NDFIP2: variants seen among roughly 807,000 people sequenced by gnomAD.
NDFIP2 encodes NEDD4 family-interacting protein 2.
NDFIP2 carries 19 observed loss-of-function variants against 36.0 expected under a neutral mutation model. The ratio of observed to expected loss-of-function variants is 0.53; its 90% confidence interval spans 0.37 to 0.77. The LOEUF is 0.77. NDFIP2 is among the 30% of genes least tolerant of loss of function. The pLI is 0.00. For synonymous variants in NDFIP2, 181 were observed against 167.7 expected (o/e 1.08, Z -0.61); for missense variants, 446 against 435.8 (o/e 1.02, Z -0.21).
chr13:79,533,150 A>G (rs973202648), intron 2 of NDFIP2, among the ~76,000 whole-genome samples, 173 bp from the exon 3 acceptor site: 17 of 152,192 alleles, frequency 1.1e-4, no homozygotes, highest in Admixed American at 1.3e-4. Context: ...AATTTGGACT[A>G]AAGTAAGATA....
chr13:79,551,881 T>G (rs1409217754), intron 7 of NDFIP2, among the ~76,000 whole-genome samples: 3 of 151,332 alleles, frequency 2.0e-5, no homozygotes, highest in Non-Finnish European at 4.5e-5. Context: ...AAGGTAAACT[T>G]ATAAAGCATT....
At chr13:79,514,164 G>A (rs1308134989) in intron 1 of NDFIP2, among the ~76,000 whole-genome samples, 1 of 152,154 alleles carries the variant, frequency 6.6e-6, no homozygotes, top group Non-Finnish European at 1.5e-5. Flanking sequence ...TTAGGTTGGT[G>A]CAAAAGTAAT....
At chr13:79,508,712 T>C (rs1407436028) in intron 1 of NDFIP2, among the ~76,000 whole-genome samples, 1 of 152,240 alleles carries the variant, frequency 6.6e-6, no homozygotes, top group Non-Finnish European at 1.5e-5. Context: ...GCCAACCTTT[T>C]ATCTCATCCT....
At chr13:79,535,556 T>C (rs1028177503) in intron 3 of NDFIP2, among the ~76,000 whole-genome samples, 1 of 152,214 alleles carries the variant, frequency 6.6e-6, no homozygotes, top group Admixed American at 6.5e-5. Context: ...CTTGTGAGCA[T>C]TGTGGAAAAT....
In NDFIP2 at chr13:79,539,689, A is replaced by C; in HGVS notation, c.629A>C (p.Glu210Ala). Residue 210 changes from glutamate (E) to alanine (A), a missense_variant, in exon 4 of 8, where the codon GAG becomes GCG. By Grantham distance (107) the Glu-to-Ala change is moderately radical. Coordinates refer to ENST00000218652, the MANE Select transcript of NDFIP2 (RefSeq NM_019080.3). Reference sequence around the variant, plus strand: ...AATGTTACATATTTACAGATTCAGGAGGAAGAGTGTCCACCAAGAGATGAC... The same window carrying C: ...AATGTTACATATTTACAGATTCAGGCGGAAGAGTGTCCACCAAGAGATGAC... ...AAAETSQRIQ[E>A]EECPPRDDFS... 1 of 1,613,134 alleles carries C rather than the reference A, an allele frequency of 6.2e-7. No individual in the cohort carries two copies. The highest frequency in any genetic ancestry group is 8.5e-7 in the Non-Finnish European group (1 of 1,179,224).
chr13:79,488,375 G>A (rs890563196), intron 1 of NDFIP2, among the ~76,000 whole-genome samples: 3 of 151,994 alleles, frequency 2.0e-5, no homozygotes, highest in Non-Finnish European at 4.4e-5. Flanking sequence ...TTATTTGGTT[G>A]AGTTTAGCTC....
chr13:79,517,491 G>A (rs1389012652), intron 1 of NDFIP2, among the ~76,000 whole-genome samples: 1 of 152,198 alleles, frequency 6.6e-6, no homozygotes, highest in East Asian at 1.9e-4. Context: ...GGCAGTCAAA[G>A]TTGGTTAATT....
chr13:79,539,062 G>A (rs1261090285), intron 3 of NDFIP2, among the ~76,000 whole-genome samples: 1 of 135,462 alleles, frequency 7.4e-6, no homozygotes, highest in Admixed American at 7.3e-5. Flanking sequence ...CCTCTACCTG[G>A]AAGACATGTA....
At chr13:79,499,265 G>A (rs945288836) in intron 1 of NDFIP2, among the ~76,000 whole-genome samples, 34 of 152,000 alleles carry the variant, frequency 2.2e-4, no homozygotes, top group African/African-American at 7.7e-4. Flanking sequence ...TATATCAAAC[G>A]TCATACTTTG....
chr13:79,533,317 C>G lies in NDFIP2; in HGVS notation c.488-6C>G. ...ATTGGTTATTCTTTTTGAATTCTTT[C>G]TTCAGATACAGAAGTTTACGGTGAG... is the stretch of plus-strand genomic sequence containing the variant. On this transcript the variant is annotated splice_polypyrimidine_tract_variant and splice_region_variant and intron_variant, in intron 2 of 7. Coordinates refer to ENST00000218652, the MANE Select transcript of NDFIP2 (RefSeq NM_019080.3). 1 of 1,588,912 alleles carries G rather than the reference C, an allele frequency of 6.3e-7. No individual in the cohort carries two copies.
At chr13:79,516,326 T>C (rs1441690152) in intron 1 of NDFIP2, among the ~76,000 whole-genome samples, 1 of 152,178 alleles carries the variant, frequency 6.6e-6, no homozygotes, top group East Asian at 1.9e-4. Context: ...CGATCACTGC[T>C]CACTGCAGCC....
At position 79,555,470 on chromosome 13, in the gene NDFIP2, A is replaced by G; in HGVS notation, c.*2957A>G. 1 of 151,744 alleles carries G rather than the reference A, an allele frequency of 6.6e-6. No individual in the cohort carries two copies. Among genetic ancestry groups the G allele is most frequent in the Admixed American group, 6.6e-5 (1 of 15,176 alleles). The allele number at this position is 151,744 out of a possible 1,614,324, so 9.4% of individuals were successfully genotyped here. A position where few individuals can be genotyped will look rare whatever the true frequency, so the allele number is the denominator to read the frequency against. ...GACTGTACCAAGAAGCAACTACCTT[A>G]GCTCCACTGCCCTTTGAGGGATGGA... is the stretch of plus-strand genomic sequence containing the variant. On this transcript the variant is annotated 3_prime_UTR_variant, in exon 8 of 8. Transcript: ENST00000218652.
chr13:79,515,923 CT>C (rs1212192583), intron 1 of NDFIP2, among the ~76,000 whole-genome samples: 284 of 39,924 alleles, frequency 7.1e-3, no homozygotes, highest in Non-Finnish European at 6.8e-3. Flanking sequence ...TAAGGTTTTT[CT>C]TTTTTTTTTT....
intron 1 of NDFIP2, among the ~76,000 whole-genome samples, chr13:79,517,672 G>A (rs1227340314): frequency 6.6e-6 from 1 of 152,178 alleles, no homozygotes; most frequent in East Asian, 1.9e-4. Context: ...AACCGTAGGT[G>A]TTAGCTAGGG....
In NDFIP2 at chr13:79,553,735, C is replaced by T. The variant is rs1594863367; in HGVS notation, c.*1222C>T. The T allele has an allele frequency of 1.3e-5, 2 of 151,844 alleles. No homozygotes were observed. Among genetic ancestry groups the T allele is most frequent in the East Asian group, 3.9e-4 (2 of 5,188 alleles). The allele number at this position is 151,844 out of a possible 1,614,324, so 9.4% of individuals were successfully genotyped here. On this transcript the variant is annotated 3_prime_UTR_variant, in exon 8 of 8. Transcript: ENST00000218652. ...CTGTGTGTGTAGTGAGAGTGTGTAGCCACTATTATAACTGGAATTTAATTT... is the reference window on the plus strand; with the variant it reads ...CTGTGTGTGTAGTGAGAGTGTGTAGTCACTATTATAACTGGAATTTAATTT...
intron 6 of NDFIP2, among the ~76,000 whole-genome samples, chr13:79,549,830 A>T (rs1403622575): frequency 1.3e-5 from 2 of 151,916 alleles, no homozygotes; most frequent in Admixed American, 1.3e-4. Flanking sequence ...TGAGGGTGGA[A>T]TTCAGAAGGA....
intron 1 of NDFIP2, among the ~76,000 whole-genome samples, chr13:79,490,607 G>A (rs564606360): frequency 3.9e-5 from 6 of 152,224 alleles, no homozygotes; most frequent in Admixed American, 3.9e-4. Context: ...TGAACAAATG[G>A]GCTGTGTTCC....
At chr13:79,493,117 G>C (rs1316130064) in intron 1 of NDFIP2, among the ~76,000 whole-genome samples, 1 of 152,082 alleles carries the variant, frequency 6.6e-6, no homozygotes, top group African/African-American at 2.4e-5. Context: ...GGGAAGCAGG[G>C]CTTAGATCTG....
intron 6 of NDFIP2, among the ~76,000 whole-genome samples, chr13:79,549,184 A>G (rs1029278114): frequency 6.6e-6 from 1 of 151,906 alleles, no homozygotes; most frequent in Non-Finnish European, 1.5e-5. Context: ...TCTTTTGGGA[A>G]ACAAATTATT....
Sources: gnomAD v4.1 joint callset for allele counts (sites outside exome capture counted in the v4.1 genomes callset) on GRCh38, gnomAD v4.1.1 for gene constraint, MANE v1.5 for transcripts, NCBI Gene and HGNC (gene_info 2026-07-23, HGNC 2026-07-21) for gene names.